DLG2: variants seen among roughly 807,000 people sequenced by gnomAD.
DLG2 encodes discs large MAGUK scaffold protein 2, also known as disks large homolog 2.
In DLG2, 45 loss-of-function variants were observed where a neutral mutation model predicts 132.5. The observed-to-expected ratio is 0.34, with a 90% CI of 0.27 to 0.44. DLG2 has a LOEUF of 0.44. DLG2 is among the 20% of genes least tolerant of loss of function. DLG2 has a pLI of 1.00. For synonymous variants in DLG2, 424 were observed against 419.6 expected, an observed-to-expected ratio of 1.01 and a Z score of -0.13; for missense variants, 1,045 against 1,196.9, an observed-to-expected ratio of 0.87 and a Z score of 1.87.
At chr11:83,701,480 G>A (rs969442209) in intron 18 of DLG2, among the ~76,000 whole-genome samples, 1 of 151,978 alleles carries the variant, frequency 6.6e-6, no homozygotes, top group Admixed American at 6.6e-5. Context: ...GGCCACTTCA[G>A]GTCAATCTTT....
chr11:84,922,752 T>C (rs1415017708), intron 6 of DLG2, among the ~76,000 whole-genome samples: 2 of 152,014 alleles, frequency 1.3e-5, no homozygotes, highest in Non-Finnish European at 2.9e-5. Flanking sequence ...AAAGCATGCT[T>C]TATAGCTTTT....
chr11:83,661,097 A>G (rs1178233824), intron 18 of DLG2, among the ~76,000 whole-genome samples: 1 of 152,098 alleles, frequency 6.6e-6, no homozygotes, highest in African/African-American at 2.4e-5. Flanking sequence ...TCAAACACCA[A>G]ATATACCAGT....
rs2097076929 is a variant in DLG2 at position 84,230,515 on chromosome 11, T to C, written c.573+20723A>G. Among the ~76,000 whole-genome samples the C allele has an allele frequency of 5.3e-5, 8 of 152,322 alleles. 1 individual carries two copies. The South Asian group carries it at 1.7e-3, about 32-fold the overall frequency. ...TACATTTTATTAATTTATTCAAGAA[T>C]GCATTGAGTAGCTGTGATTTTTTTT... On this transcript the variant is annotated intron_variant, in intron 8 of 27. Coordinates refer to ENST00000376104, the MANE Select transcript of DLG2 (RefSeq NM_001142699.3).
chr11:85,201,884 G>A (rs1411170031), intron 4 of DLG2, among the ~76,000 whole-genome samples: 1 of 150,088 alleles, frequency 6.7e-6, no homozygotes, highest in African/African-American at 2.4e-5. Flanking sequence ...TCAGAGAAAT[G>A]TAACAGATAA....
At chr11:84,493,341 T>C (rs2099170152) in intron 7 of DLG2, among the ~76,000 whole-genome samples, 1 of 152,098 alleles carries the variant, frequency 6.6e-6, no homozygotes, top group South Asian at 2.1e-4. Context: ...AAGACAATGA[T>C]CAGTCTCTGC....
At chr11:84,157,477 CTG>C (rs1360907721) in intron 9 of DLG2, among the ~76,000 whole-genome samples, 3 of 152,174 alleles carry the variant, frequency 2.0e-5, no homozygotes, top group African/African-American at 7.2e-5. Flanking sequence ...ATTGCCCAGA[CTG>C]GAATGCAGTG....
intron 11 of DLG2, among the ~76,000 whole-genome samples, chr11:84,049,091 T>C (rs2096298760): frequency 6.6e-6 from 1 of 151,062 alleles, no homozygotes; most frequent in Non-Finnish European, 1.5e-5. Flanking sequence ...ACTTTGGCCA[T>C]ATGGGCATCA....
At chr11:85,195,530 T>G (rs988842399) in intron 4 of DLG2, among the ~76,000 whole-genome samples, 10 of 151,074 alleles carry the variant, frequency 6.6e-5, no homozygotes, top group East Asian at 1.9e-4. Context: ...AGTGTTTTTT[T>G]TTTTTTTTTT....
chr11:83,997,045 G>A (rs187025633), intron 11 of DLG2, among the ~76,000 whole-genome samples: 4 of 151,802 alleles, frequency 2.6e-5, no homozygotes, highest in East Asian at 3.9e-4. Context: ...CTTACTTCGC[G>A]TGACATGCCT....
intron 6 of DLG2, among the ~76,000 whole-genome samples, chr11:84,978,885 G>A (rs933193507): frequency 3.3e-5 from 5 of 152,084 alleles, no homozygotes; most frequent in Non-Finnish European, 7.4e-5. Context: ...GCAACCTACA[G>A]AATGGGGGAA....
chr11:85,462,661 G>T (rs959745331), intron 3 of DLG2, among the ~76,000 whole-genome samples: 1 of 152,034 alleles, frequency 6.6e-6, no homozygotes, highest in African/African-American at 2.4e-5. Context: ...TGGGGTGGGG[G>T]GAGCGGGGAG....
rs185026242 is a variant in DLG2 at position 84,401,487 on chromosome 11, C to T, written c.519+133083G>A. On this transcript the variant is annotated intron_variant, in intron 7 of 27. Transcript: ENST00000376104. The stretch of plus-strand genomic sequence containing the variant: ...AGCAGAGTGCCTAACGTGGTAGGCA[C>T]TCTATAAATACCCATTAAATAAATA... 8.2e-3 allele frequency among the ~76,000 whole-genome samples: 1,244 copies of T among 152,162 alleles called. 6 individuals carry two copies. The highest frequency in any genetic ancestry group is 0.012 in the Non-Finnish European group (803 of 68,012).
intron 2 of DLG2, among the ~76,000 whole-genome samples, chr11:85,614,497 G>A (rs999374572): frequency 3.3e-5 from 5 of 152,086 alleles, no homozygotes; most frequent in Admixed American, 2.6e-4. Context: ...AAAATTAGCT[G>A]AGCATGGAGG....
At chr11:83,730,146 G>GTT (rs541441004) in intron 18 of DLG2, among the ~76,000 whole-genome samples, 3,777 of 110,936 alleles carry the variant, frequency 0.034, 240 homozygotes, top group African/African-American at 0.12. Flanking sequence ...TTTTTTTATG[G>GTT]TTTTTTTTTT....
rs1490318171 is a variant in DLG2 at position 84,120,076 on chromosome 11, G to C, written c.625-21029C>G. Among the ~76,000 whole-genome samples, 4 of 152,204 alleles carry C rather than the reference G, an allele frequency of 2.6e-5. No individual in the cohort carries two copies. The East Asian group carries it at 7.7e-4, about 29-fold the overall frequency. On this transcript the variant is annotated intron_variant, in intron 9 of 27. Coordinates refer to ENST00000376104, the MANE Select transcript of DLG2 (RefSeq NM_001142699.3). ...CAACTTCATTTCATCCAAAGGCAAA[G>C]GGAAGAATTGGCCAGTCTTTCAGTG...
intron 4 of DLG2, among the ~76,000 whole-genome samples, chr11:85,179,485 A>C (rs187213188): frequency 2.5e-3 from 374 of 152,000 alleles, no homozygotes; most frequent in Non-Finnish European, 4.1e-3. Flanking sequence ...GGTCCTTGTC[A>C]TATTTGAGAA....
At chr11:83,853,316 C>T (rs898672909) in intron 16 of DLG2, among the ~76,000 whole-genome samples, 1 of 152,138 alleles carries the variant, frequency 6.6e-6, no homozygotes, top group African/African-American at 2.4e-5. Flanking sequence ...CTCCTCAGCT[C>T]TCCCTAACAC....
chr11:83,627,469 T>A (rs2062782113), intron 19 of DLG2, among the ~76,000 whole-genome samples: 1 of 152,052 alleles, frequency 6.6e-6, no homozygotes, highest in Admixed American at 6.5e-5. Flanking sequence ...CGGTGTTTGG[T>A]TTTCTGTCCT....
At chr11:84,533,167 A>G (rs2099346914) in intron 7 of DLG2, among the ~76,000 whole-genome samples, 1 of 152,248 alleles carries the variant, frequency 6.6e-6, no homozygotes. Context: ...CTGAGTAGCT[A>G]TAAATGTCAG....
Sources: gnomAD v4.1 joint callset for allele counts (sites outside exome capture counted in the v4.1 genomes callset) on GRCh38, gnomAD v4.1.1 for gene constraint, MANE v1.5 for transcripts, NCBI Gene and HGNC (gene_info 2026-07-23, HGNC 2026-07-21) for gene names.